The following SPOCK1 variants were observed in gnomAD, a reference collection of about 807,000 sequenced individuals.
SPOCK1 encodes the protein testican-1.
SPOCK1 carries 23 observed loss-of-function variants against 55.3 expected under a neutral mutation model. The observed-to-expected ratio is 0.42, with a 90% CI of 0.30 to 0.59. The LOEUF (loss-of-function observed/expected upper bound fraction) is 0.59, where lower values mean the gene tolerates loss of function less well. Among genes scored for constraint, SPOCK1 ranks in the 20% least tolerant of loss-of-function variants. SPOCK1 has a pLI of 0.22. For missense variants in SPOCK1, 499 were observed against 552.5 expected, an observed-to-expected ratio of 0.90 and a Z score of 0.97; for synonymous variants, 226 against 221.0, an observed-to-expected ratio of 1.02 and a Z score of -0.20.
chr5:137,355,021 G>A (rs1750760968), intron 2 of SPOCK1, among the ~76,000 whole-genome samples: 1 of 152,056 alleles, frequency 6.6e-6, no homozygotes, highest in Admixed American at 6.5e-5. Context: ...TCGTGCCTCA[G>A]CCTCCTGAGT....
At chr5:137,100,729 C>A (rs1753244874) in intron 5 of SPOCK1, among the ~76,000 whole-genome samples, 1 of 152,146 alleles carries the variant, frequency 6.6e-6, no homozygotes, top group Admixed American at 6.5e-5. Flanking sequence ...AGGGCCTTTC[C>A]TGCTACTGGA....
At chr5:137,455,551 C>T (rs912278658) in intron 2 of SPOCK1, among the ~76,000 whole-genome samples, 1 of 152,152 alleles carries the variant, frequency 6.6e-6, no homozygotes, top group Admixed American at 6.5e-5. Flanking sequence ...AAAGTCATAG[C>T]CCTGAGATGG....
chr5:136,988,616 C>A lies in SPOCK1; in HGVS notation c.734G>T (p.Cys245Phe). ...GRFDTSILPI[C>F]KDSLGWMFNK... ...GAACATCCAGCCCAGGGAGTCCTTG[C>A]AGATGGGCAGGATGCTAGTGTCAAA... Residue 245 changes from cysteine (C) to phenylalanine (F), a missense_variant, in exon 8 of 11, where the codon TGC becomes TTC. Around this residue, in one of 3 missense-constraint regions of SPOCK1, gnomAD observed 386 missense variants for 400.6 expected, o/e 0.96. Transcript: ENST00000394945. 1.2e-6 allele frequency: 2 copies of A among 1,613,504 alleles called. No homozygotes were observed. The highest frequency in any genetic ancestry group is 1.7e-6 in the Non-Finnish European group (2 of 1,179,654).
chr5:136,982,867 C>G (rs965319771), intron 9 of SPOCK1, among the ~76,000 whole-genome samples: 22 of 152,046 alleles, frequency 1.4e-4, no homozygotes, highest in Admixed American at 1.2e-3. Context: ...TTCAGAGTAC[C>G]AGAGTACCTC....
At chr5:137,083,246 C>T (rs911213498) in intron 5 of SPOCK1, among the ~76,000 whole-genome samples, 2 of 152,204 alleles carry the variant, frequency 1.3e-5, no homozygotes, top group Non-Finnish European at 2.9e-5. Flanking sequence ...GAGGATGTCA[C>T]TGTGAGCTCA....
rs908907272 is a variant in SPOCK1, at chr5:137,058,187, C to T, written c.589+9528G>A. Among the ~76,000 whole-genome samples the T allele has an allele frequency of 7.2e-5, 11 of 152,096 alleles. 1 individual carries two copies. The East Asian group carries it at 2.1e-3, about 29-fold the overall frequency. The stretch of plus-strand genomic sequence containing the variant: ...TTTTCTTTTTTCAAAGGAAGCCCGA[C>T]CTTTCAGTGGACATTGAATTTAGGT... On this transcript the variant is annotated intron_variant, in intron 6 of 10. Coordinates refer to ENST00000394945, the MANE Select transcript of SPOCK1 (RefSeq NM_004598.4).
intron 6 of SPOCK1, among the ~76,000 whole-genome samples, chr5:137,023,477 T>C (rs1395011478): frequency 2.0e-5 from 3 of 152,132 alleles, no homozygotes; most frequent in Non-Finnish European, 2.9e-5. Context: ...GGGACAGATT[T>C]GAAGGCAGGG....
chr5:137,302,137 G>A (rs182165534), intron 2 of SPOCK1, among the ~76,000 whole-genome samples: 4 of 152,282 alleles, frequency 2.6e-5, no homozygotes, highest in East Asian at 1.9e-4. Context: ...GAAACGAGAC[G>A]TTTTAGAATC....
intron 2 of SPOCK1, among the ~76,000 whole-genome samples, chr5:137,472,445 A>C (rs2149839932): frequency 6.6e-6 from 1 of 152,250 alleles, no homozygotes. Context: ...TCAGGACAAA[A>C]ATCCAAAAGG....
intron 2 of SPOCK1, among the ~76,000 whole-genome samples, chr5:137,471,684 G>A (rs1753741232): frequency 6.6e-6 from 1 of 152,272 alleles, no homozygotes; most frequent in African/African-American, 2.4e-5. Context: ...CATAGATAAT[G>A]ATGGTTCCTG....
At chr5:137,369,910 T>C (rs945626048) in intron 2 of SPOCK1, among the ~76,000 whole-genome samples, 2 of 152,058 alleles carry the variant, frequency 1.3e-5, no homozygotes, top group African/African-American at 4.8e-5. Context: ...CCAAATACCA[T>C]CACACTGGGG....
chr5:137,110,562 A>T (rs770448993), intron 5 of SPOCK1, among the ~76,000 whole-genome samples: 4 of 152,194 alleles, frequency 2.6e-5, no homozygotes, highest in African/African-American at 4.8e-5. Flanking sequence ...GTCAAAAGCA[A>T]GTCCTGTTAC....
intron 5 of SPOCK1, among the ~76,000 whole-genome samples, chr5:137,094,685 CTGAAGATTAAGGTGGCTGT>C (rs1302280462): frequency 1.1e-4 from 17 of 152,158 alleles, no homozygotes; most frequent in Non-Finnish European, 2.2e-4. Flanking sequence ...GTGGTGGCTG[CTGAAGATTAAGGTGGCTGT>C]AATTCCTGAA....
At chr5:137,302,355 G>A (rs1421103651) in intron 2 of SPOCK1, among the ~76,000 whole-genome samples, 3 of 151,372 alleles carry the variant, frequency 2.0e-5, no homozygotes, top group South Asian at 4.2e-4. Context: ...AGATCACAAG[G>A]TCAGGAGATT....
At chr5:137,302,604 A>C (rs976792245) in intron 2 of SPOCK1, among the ~76,000 whole-genome samples, 1 of 151,120 alleles carries the variant, frequency 6.6e-6, no homozygotes, top group Non-Finnish European at 1.5e-5. Flanking sequence ...ATAAATAAAT[A>C]AATAAATAAA....
intron 6 of SPOCK1, among the ~76,000 whole-genome samples, chr5:137,018,210 A>C (rs892000504): frequency 6.6e-6 from 1 of 152,186 alleles, no homozygotes; most frequent in African/African-American, 2.4e-5. Context: ...CATCCCACCC[A>C]AAACGGCAAC....
intron 3 of SPOCK1, 21 bp from the exon 4 acceptor site, chr5:137,140,715 A>C (rs773730407): frequency 8.7e-7 from 1 of 1,146,490 alleles, no homozygotes; most frequent in South Asian, 1.4e-5. Context: ...AACAAGAAGG[A>C]GGGCAGGGTT....
At chr5:137,241,413 GC>G (rs1756279014) in intron 3 of SPOCK1, among the ~76,000 whole-genome samples, 1 of 152,180 alleles carries the variant, frequency 6.6e-6, no homozygotes. Context: ...TGAAAGATGG[GC>G]AAAGGACATG....
chr5:137,420,679 TTC>T lies in SPOCK1; in HGVS notation c.186+77692_186+77693del, dbSNP rs1372996338. 5.3e-5 allele frequency among the ~76,000 whole-genome samples: 8 copies of T among 152,348 alleles called. No individual in the cohort carries two copies. The South Asian group carries it at 1.7e-3, about 32-fold the overall frequency. On this transcript the variant is annotated intron_variant, in intron 2 of 10. Coordinates refer to ENST00000394945, the MANE Select transcript of SPOCK1 (RefSeq NM_004598.4). The stretch of plus-strand genomic sequence containing the variant: ...ATTTTGTATTGTGTCTATTTGATTC[TTC>T]TCTCTTTTCTTCTTTATGAGTCTTG...
Sources: gnomAD v4.1 joint callset for allele counts (sites outside exome capture counted in the v4.1 genomes callset) on GRCh38, gnomAD v4.1.1 for gene constraint, gnomAD v4.1.1 regional missense constraint, MANE v1.5 for transcripts, NCBI Gene and HGNC (gene_info 2026-07-23, HGNC 2026-07-21) for gene names.